The following RSPH3 variants were observed in gnomAD, a reference collection of about 807,000 sequenced individuals.
The protein encoded by RSPH3 is radial spoke head 3, also known as radial spoke head protein 3 homolog.
A neutral mutation model predicts 43.8 loss-of-function variants in RSPH3; 21 were observed. That is an observed-to-expected ratio of 0.48 (90% CI 0.34 to 0.69). The LOEUF (loss-of-function observed/expected upper bound fraction) is 0.69, where lower values mean the gene tolerates loss of function less well. RSPH3 is among the 30% of genes least tolerant of loss of function. RSPH3 has a pLI of 0.01. For missense variants in RSPH3, 487 were observed against 516.0 expected (o/e 0.94, Z 0.54); for synonymous variants, 173 against 179.8 (o/e 0.96, Z 0.30).
At position 158,986,419 on chromosome 6, in the gene RSPH3, G is replaced by A. The variant is rs148773430; in HGVS notation, c.207C>T (p.Leu69=). ...NTYALQTGPL[L]GRPDSLELQR... ...GGAGCTCTAGAGAATCAGGCCGTCCGAGCTAACAGTGATAGAAAATACTTC... is the reference window on the plus strand; with the variant it reads ...GGAGCTCTAGAGAATCAGGCCGTCCAAGCTAACAGTGATAGAAAATACTTC... The change falls in exon 3 of 8, where the codon CTC becomes CTT. Residue 69 remains leucine (L), a splice_region_variant and synonymous_variant. Coordinates refer to ENST00000367069, the MANE Select transcript of RSPH3 (RefSeq NM_031924.8). 137 of 1,604,454 alleles carry A rather than the reference G, an allele frequency of 8.5e-5. No individual in the cohort carries two copies. Among genetic ancestry groups the A allele is most frequent in the South Asian group, 1.6e-4 (14 of 89,440 alleles).
chr6:158,999,368 G>A lies in RSPH3; in HGVS notation c.116+67C>T, dbSNP rs563606667. ...AAGCAGCTTTTTTGCCAGGGCGAAG[G>A]GGCCAGACCCCGGCCTGGGGATGGG... On this transcript the variant is annotated intron_variant, in intron 1 of 7. Transcript: ENST00000367069. The A allele has an allele frequency of 1.0e-5, 14 of 1,397,088 alleles. No individual in the cohort carries two copies. In the East Asian group the frequency reaches 2.5e-4, roughly 25 times the overall value. The allele number at this position is 1,397,088 out of a possible 1,614,324, so 86.5% of individuals were successfully genotyped here. A position where few individuals can be genotyped will look rare whatever the true frequency, so the allele number is the denominator to read the frequency against.
At chr6:158,967,337 C>T in the RSPH3 span, among the ~76,000 whole-genome samples, 6 of 152,208 alleles carry the variant, frequency 3.9e-5, no homozygotes, top group East Asian at 1.2e-3. Flanking sequence ...TCTAATTTTT[C>T]TATGATTTCT....
intron 2 of RSPH3, among the ~76,000 whole-genome samples, chr6:158,987,041 T>C (rs1178980189): frequency 6.6e-6 from 1 of 152,208 alleles, no homozygotes; most frequent in East Asian, 1.9e-4. Context: ...TTCCTGATTT[T>C]CTGTTTGGAT....
chr6:158,993,211 G>A (rs1304841719), intron 2 of RSPH3, among the ~76,000 whole-genome samples: 1 of 151,918 alleles, frequency 6.6e-6, no homozygotes, highest in African/African-American at 2.4e-5. Context: ...TCTGCCTCCT[G>A]GGTTCAAGCA....
Position 158,983,563 on chromosome 6 carries a change from T to G in RSPH3, c.492+99A>C, listed in dbSNP as rs189407112. On this transcript the variant is annotated intron_variant, in intron 4 of 7. Transcript: ENST00000367069. ...GGAAAGAAATCCAAGAAGTAGAATC[T>G]GATTGTGAAGTGGTTCTTGCTCATA... The G allele has an allele frequency of 6.9e-6, 6 of 868,130 alleles. No individual in the cohort carries two copies. In the African/African-American group the frequency reaches 1.0e-4, roughly 14 times the overall value. The allele number at this position is 868,130 out of a possible 1,614,324, so 53.8% of individuals were successfully genotyped here. A position where few individuals can be genotyped will look rare whatever the true frequency, so the allele number is the denominator to read the frequency against.
rs894754239 is a variant in RSPH3 at position 158,999,684 on chromosome 6, A to G, written c.-134T>C. ...CCGCGACGCGAGGAGAGGCGACAAC[A>G]AGGGAGGCGGGCGGGACGGGAGGTT... On this transcript the variant is annotated 5_prime_UTR_variant, in exon 1 of 8. Coordinates refer to ENST00000367069, the MANE Select transcript of RSPH3 (RefSeq NM_031924.8). The G allele has an allele frequency of 1.4e-5, 22 of 1,614,010 alleles. No homozygotes were observed. Among genetic ancestry groups the G allele is most frequent in the Non-Finnish European group, 1.9e-5 (22 of 1,179,968 alleles).
At chr6:158,994,511 C>A (rs999653378) in intron 1 of RSPH3, among the ~76,000 whole-genome samples, 23 of 152,126 alleles carry the variant, frequency 1.5e-4, no homozygotes, top group Admixed American at 2.0e-4. Context: ...ATTAGCCAGG[C>A]CTGGTGGCCT....
chr6:158,998,796 G>A (rs899608806), intron 1 of RSPH3, among the ~76,000 whole-genome samples: 1 of 151,936 alleles, frequency 6.6e-6, no homozygotes, highest in Non-Finnish European at 1.5e-5. Flanking sequence ...AGTGGGGGAG[G>A]GGGGCGGAGG....
chr6:158,999,788 C>G lies in RSPH3; in HGVS notation c.-238G>C, dbSNP rs1054831509. The G allele has an allele frequency of 5.0e-6, 8 of 1,612,204 alleles. No homozygotes were observed. The African/African-American group carries it at 1.1e-4, about 22-fold the overall frequency. On this transcript the variant is annotated 5_prime_UTR_variant, in exon 1 of 8. Transcript: ENST00000367069. ...CAGCTGCGGGGGCCGCATCGGTTGCCCAGCAACCCAGGGTTCTGTCTGGGG... is the reference window on the plus strand; with the variant it reads ...CAGCTGCGGGGGCCGCATCGGTTGCGCAGCAACCCAGGGTTCTGTCTGGGG...
At chr6:158,997,688 A>G (rs1283091089) in intron 1 of RSPH3, among the ~76,000 whole-genome samples, 2 of 152,192 alleles carry the variant, frequency 1.3e-5, no homozygotes, top group African/African-American at 2.4e-5. Flanking sequence ...GTTCCTAATG[A>G]ACCACCATTG....
At chr6:158,990,436 G>C (rs1778369457) in intron 2 of RSPH3, 1 of 152,052 alleles carries the variant, frequency 6.6e-6, no homozygotes, top group African/African-American at 2.4e-5. Flanking sequence ...TCTTTTGCAG[G>C]GGGAGTGAAG....
chr6:158,970,936 C>T (rs985166465), downstream of RSPH3, among the ~76,000 whole-genome samples: 2 of 152,146 alleles, frequency 1.3e-5, no homozygotes, highest in Admixed American at 6.5e-5. Flanking sequence ...TTTGCTCTAC[C>T]TCAGGCAGCT....
chr6:158,984,462 ATATATATATATAT>A (rs1778154955), intron 3 of RSPH3, among the ~76,000 whole-genome samples: 1 of 132,576 alleles, frequency 7.5e-6, no homozygotes, highest in African/African-American at 2.9e-5. Flanking sequence ...ATATATATAT[ATATATATATATAT>A]TTGAGTCCTA....
At chr6:158,987,123 C>T (rs932719917) in intron 2 of RSPH3, among the ~76,000 whole-genome samples, 6 of 151,866 alleles carry the variant, frequency 4.0e-5, no homozygotes, top group Admixed American at 3.9e-4. Context: ...CCCTTTAGAT[C>T]TATTCATGTT....
chr6:158,995,596 T>A (rs2128610915), intron 1 of RSPH3, among the ~76,000 whole-genome samples: 1 of 152,126 alleles, frequency 6.6e-6, no homozygotes, highest in Admixed American at 6.5e-5. Context: ...TCACTTTATT[T>A]TATTTTTATT....
At chr6:158,986,036 G>A (rs1363912768) in intron 3 of RSPH3, among the ~76,000 whole-genome samples, 1 of 151,924 alleles carries the variant, frequency 6.6e-6, no homozygotes, top group African/African-American at 2.4e-5. Flanking sequence ...GGCTGGTCTC[G>A]AACTCCTGAC....
intron 3 of RSPH3, 135 bp downstream of exon 3, chr6:158,986,145 T>A: frequency 1.2e-6 from 1 of 861,968 alleles, no homozygotes; most frequent in Non-Finnish European, 1.8e-6. Flanking sequence ...ATAAAGGAAC[T>A]TCCCTACCAT....
At chr6:158,987,141 T>C (rs1051228519) in intron 2 of RSPH3, among the ~76,000 whole-genome samples, 34 of 152,350 alleles carry the variant, frequency 2.2e-4, no homozygotes, top group African/African-American at 7.7e-4. Flanking sequence ...GTTTGCTTTA[T>C]ATAGTTGGGA....
chr6:158,968,137 T>C (rs1005075714), downstream of RSPH3, among the ~76,000 whole-genome samples: 6 of 152,228 alleles, frequency 3.9e-5, no homozygotes, highest in Admixed American at 1.3e-4. Context: ...ATGTCTTATG[T>C]ATTTTTTGTA....
Sources: gnomAD v4.1 joint callset for allele counts (sites outside exome capture counted in the v4.1 genomes callset) on GRCh38, gnomAD v4.1.1 for gene constraint, MANE v1.5 for transcripts, NCBI Gene and HGNC (gene_info 2026-07-23, HGNC 2026-07-21) for gene names.